Variants in TCHP observed in about 807,000 individuals in gnomAD.
TCHP encodes trichoplein keratin filament-binding protein.
TCHP carries 81 observed loss-of-function variants against 88.7 expected under a neutral mutation model. The ratio of observed to expected loss-of-function variants is 0.91; its 90% confidence interval spans 0.76 to 1.10. The LOEUF is 1.10. Ranked by LOEUF, TCHP falls within the 50% of genes least tolerant of loss-of-function variation. The pLI is 0.00. For missense variants in TCHP, 641 were observed against 632.1 expected, an observed-to-expected ratio of 1.01 and a Z score of -0.15; for synonymous variants, 232 against 232.5, an observed-to-expected ratio of 1.00 and a Z score of 0.02.
rs115143150 is a variant in TCHP, at chr12:109,906,653, G to A, written c.525+13G>A. ...AGAAAAAAAACAGGTGTGGTATGTG[G>A]CTCTGGGAATAGCCGCGTATTCTGC... On this transcript the variant is annotated intron_variant, in intron 5 of 12. Coordinates refer to ENST00000405876, the MANE Select transcript of TCHP (RefSeq NM_001143852.2). 3,570 of 1,602,372 alleles carry A rather than the reference G, an allele frequency of 2.2e-3. 89 individuals are homozygous for A. In the African/African-American group the frequency reaches 0.043, roughly 19 times the overall value.
chr12:109,911,191 G>A lies in TCHP; in HGVS notation c.1008G>A (p.Leu336=). The A allele has an allele frequency of 6.3e-7, 1 of 1,589,946 alleles. No individual in the cohort carries two copies. Residue 336 remains leucine, a synonymous_variant, in exon 9 of 13, where the codon CTG becomes CTA. Transcript: ENST00000405876. ...TGAAGCAGGCCATTGAGGAGCAGCT[G>A]CAGCTGGAGCGGGCGCGGGAGGCAG... is the stretch of plus-strand genomic sequence containing the variant. ...AWMKQAIEEQ[L]QLERAREAEL... is the part of the protein sequence containing the mutation.
At chr12:109,883,522 G>T in the TCHP span, among the ~76,000 whole-genome samples, 1 of 151,986 alleles carries the variant, frequency 6.6e-6, no homozygotes, top group Admixed American at 6.6e-5. Flanking sequence ...CATCAACTAG[G>T]CTTGTTCCCA....
At chr12:109,904,447 A>G (rs1183488234) in intron 3 of TCHP, among the ~76,000 whole-genome samples, 1 of 152,180 alleles carries the variant, frequency 6.6e-6, no homozygotes, top group Non-Finnish European at 1.5e-5. Context: ...TGAAACAGTG[A>G]GCCCTAATCT....
chr12:109,883,578 T>C, the TCHP span, among the ~76,000 whole-genome samples: 1 of 152,206 alleles, frequency 6.6e-6, no homozygotes, highest in East Asian at 1.9e-4. Context: ...TACCATCTCC[T>C]TGAAGCCTCA....
chr12:109,906,456 A>G lies in TCHP; in HGVS notation c.457-116A>G, dbSNP rs1370208879. 6 of 871,276 alleles carry G rather than the reference A, an allele frequency of 6.9e-6. No individual in the cohort carries two copies. The African/African-American group carries it at 8.3e-5, about 12-fold the overall frequency. 54.0% of individuals were successfully genotyped at this position (871,276 alleles called of 1,614,324 possible). ...TAGACGCCTGTGCCACTGAGTCCCC[A>G]TGAAGCGAAGTCATGGCCACGTTCC... is the stretch of plus-strand genomic sequence containing the variant. On this transcript the variant is annotated intron_variant, in intron 4 of 12. Coordinates refer to ENST00000405876, the MANE Select transcript of TCHP (RefSeq NM_001143852.2).
Position 109,908,634 on chromosome 12 carries a change from G to C in TCHP, c.748G>C (p.Glu250Gln), listed in dbSNP as rs200322531. 6.2e-7 allele frequency: 1 copy of C among 1,603,026 alleles called. No homozygotes were observed. Among genetic ancestry groups the C allele is most frequent in the East Asian group, 2.2e-5 (1 of 44,524 alleles). ...GGAGAATCTGTTGAAGCAGCGGTGG[G>C]AGCTAGAGAGGCTGGAGGAAGAGCG... ...EQENLLKQRW[E>Q]LERLEEERKQ... The change falls in exon 7 of 13, where the codon GAG becomes CAG. Residue 250 changes from glutamate to glutamine, a missense_variant. Transcript: ENST00000405876.
intron 1 of TCHP, chr12:109,901,175 A>C (rs1021647511): frequency 4.0e-5 from 6 of 150,678 alleles, no homozygotes; most frequent in African/African-American, 1.5e-4. Context: ...CAGCAGAGAG[A>C]GCCTGGGCTC....
At chr12:109,911,858 A>G (rs945891118) in intron 9 of TCHP, among the ~76,000 whole-genome samples, 1 of 151,580 alleles carries the variant, frequency 6.6e-6, no homozygotes, top group African/African-American at 2.4e-5. Context: ...GTGCAGTGGC[A>G]TGATCTCGGC....
At chr12:109,906,429 A>G (rs897853503) in intron 4 of TCHP, 143 bp from the exon 5 acceptor site, 26 of 656,786 alleles carry the variant, frequency 4.0e-5, no homozygotes, top group Middle Eastern at 4.1e-4. Context: ...CACGCTCTCT[A>G]CTAGACGCCT....
At chr12:109,908,742 C>G (rs781650078) in intron 7 of TCHP, 44 bp downstream of exon 7, 6 of 1,566,242 alleles carry the variant, frequency 3.8e-6, no homozygotes, top group East Asian at 2.3e-5. Flanking sequence ...GCGGGTGGGC[C>G]TCTTGCTTTT....
chr12:109,893,150 T>C, the TCHP span, among the ~76,000 whole-genome samples: 7 of 152,006 alleles, frequency 4.6e-5, no homozygotes, highest in South Asian at 8.3e-4. Context: ...AAGGCTGAGG[T>C]GGGTGGATCA....
the TCHP span, among the ~76,000 whole-genome samples, chr12:109,889,259 G>C: frequency 1.8e-4 from 27 of 152,212 alleles, no homozygotes; most frequent in African/African-American, 6.5e-4. Flanking sequence ...AGATCACGAG[G>C]TCAGGAGATC....
At chr12:109,912,911 C>T in intron 9 of TCHP, 80 bp from the exon 10 acceptor site, 2 of 1,185,288 alleles carry the variant, frequency 1.7e-6, no homozygotes, top group Non-Finnish European at 2.5e-6. Flanking sequence ...GCCATGTGCC[C>T]TGCAGCCCTG....
chr12:109,893,688 G>A, the TCHP span, among the ~76,000 whole-genome samples: 2 of 152,290 alleles, frequency 1.3e-5, no homozygotes, highest in East Asian at 1.9e-4. Flanking sequence ...GAGCCTGACC[G>A]GGAGGGGTGA....
chr12:109,911,547 G>A (rs1393814346), intron 9 of TCHP, among the ~76,000 whole-genome samples: 1 of 150,492 alleles, frequency 6.6e-6, no homozygotes, highest in Non-Finnish European at 1.5e-5. Context: ...AGGAGGTTGG[G>A]GCTCCGATTA....
rs544890443 is a variant in TCHP at position 109,911,136 on chromosome 12, G to A, written c.953G>A (p.Arg318Gln). 2.9e-5 allele frequency: 47 copies of A among 1,597,736 alleles called. No homozygotes were observed. Among genetic ancestry groups the A allele is most frequent in the Non-Finnish European group, 3.7e-5 (43 of 1,173,906 alleles). Residue 318 changes from arginine (R) to glutamine (Q), a missense_variant, in exon 9 of 13, where the codon CGG becomes CAG. Coordinates refer to ENST00000405876, the MANE Select transcript of TCHP (RefSeq NM_001143852.2). The stretch of plus-strand genomic sequence containing the variant: ...AGCCAGCGCCTCCACCTGGCCAGGC[G>A]GGAGCAGGTCATGGCCGATGTGGCC... ...DESQRLHLAR[R>Q]EQVMADVAWM...
upstream of TCHP, among the ~76,000 whole-genome samples, chr12:109,897,960 C>T (rs781142349): frequency 2.0e-5 from 3 of 152,158 alleles, no homozygotes; most frequent in Non-Finnish European, 2.9e-5. Context: ...CTGCTGCCAC[C>T]CCTCTGCACT....
upstream of TCHP, among the ~76,000 whole-genome samples, chr12:109,895,331 T>A (rs1047153110): frequency 5.3e-5 from 8 of 150,504 alleles, no homozygotes; most frequent in Non-Finnish European, 8.9e-5. Flanking sequence ...CACTTCCACG[T>A]CCCAGGTAGC....
the TCHP span, chr12:109,880,838 C>A: frequency 6.6e-6 from 1 of 152,404 alleles, no homozygotes; most frequent in Non-Finnish European, 1.5e-5. This position sits in a 1 kb window ranked among gnomAD's most constrained non-coding sequence, Gnocchi z 5.1. Context: ...GCTCGGGTTA[C>A]AGCCCCACCC....
Sources: gnomAD v4.1 joint callset for allele counts (sites outside exome capture counted in the v4.1 genomes callset) on GRCh38, gnomAD v4.1.1 for gene constraint, Gnocchi (gnomAD v3.1) non-coding constraint, MANE v1.5 for transcripts, NCBI Gene and HGNC (gene_info 2026-07-23, HGNC 2026-07-21) for gene names.